Variants in IGFL2 observed in about 807,000 individuals in gnomAD.
IGFL2 encodes the protein IGF like family member 2.
A neutral mutation model predicts 13.9 loss-of-function variants in IGFL2; 7 were observed. That is an observed-to-expected ratio of 0.51 (90% CI 0.29 to 0.95). IGFL2 has a LOEUF of 0.95. Among genes scored for constraint, IGFL2 ranks in the 40% least tolerant of loss-of-function variants. IGFL2 has a pLI of 0.08. For missense variants in IGFL2, 138 were observed against 147.8 expected (o/e 0.93, Z 0.34); for synonymous variants, 55 against 55.8 (o/e 0.99, Z 0.07).
At chr19:46,193,832 T>C in the IGFL2 span, among the ~76,000 whole-genome samples, 4 of 152,218 alleles carry the variant, frequency 2.6e-5, no homozygotes, top group Admixed American at 6.5e-5. Flanking sequence ...TCTAGGCTGC[T>C]ATCAGTTCAG....
upstream of IGFL2, chr19:46,148,169 C>A: frequency 3.2e-6 from 3 of 948,718 alleles, no homozygotes; most frequent in Non-Finnish European, 4.8e-6. Context: ...GAGGCCAGTG[C>A]TTCTGGGCAC....
At chr19:46,186,568 G>A in the IGFL2 span, among the ~76,000 whole-genome samples, 1 of 152,132 alleles carries the variant, frequency 6.6e-6, no homozygotes, top group Middle Eastern at 3.2e-3. Flanking sequence ...GTTTATCAAA[G>A]CCCAGCTGAT....
At position 46,160,440 on chromosome 19, in the gene IGFL2, C is replaced by T. The variant is rs373029871; in HGVS notation, c.45C>T (p.Leu15=). The T allele has an allele frequency of 7.5e-5, 121 of 1,613,788 alleles. No homozygotes were observed. The African/African-American group carries it at 1.4e-3, about 18-fold the overall frequency. The part of the protein sequence containing the change: ...IFAPAYVSVC[L]LLLCPREVIA... ...CTCCTGCTTATGTGTCAGTCTGTCT[C>T]CTCCTCTTGTGTCCAAGGGAAGTCA... The change falls in exon 2 of 4, where the codon CTC becomes CTT. Residue 15 remains leucine, a synonymous_variant. Transcript: ENST00000377693.
chr19:46,173,446 T>C, the IGFL2 span: 3 of 152,224 alleles, frequency 2.0e-5, no homozygotes, highest in Non-Finnish European at 4.4e-5. Flanking sequence ...AAAAGAGATT[T>C]AATTGGCTCA....
At chr19:46,106,616 A>T in the IGFL2 span, among the ~76,000 whole-genome samples, 12 of 152,162 alleles carry the variant, frequency 7.9e-5, no homozygotes, top group African/African-American at 2.9e-4. Context: ...TATGGGGTGG[A>T]TAGGCAAGAC....
At chr19:46,176,661 A>G in the IGFL2 span, among the ~76,000 whole-genome samples, 1 of 152,112 alleles carries the variant, frequency 6.6e-6, no homozygotes, top group Non-Finnish European at 1.5e-5. Context: ...CCAGGGATCT[A>G]CACATGTGGG....
At chr19:46,084,969 C>G in the IGFL2 span, among the ~76,000 whole-genome samples, 2 of 152,144 alleles carry the variant, frequency 1.3e-5, no homozygotes, top group African/African-American at 2.4e-5. Context: ...TCAAAAGTCT[C>G]AAGTCTCATC....
the IGFL2 span, among the ~76,000 whole-genome samples, chr19:46,122,341 A>G: frequency 2.0e-5 from 3 of 151,058 alleles, no homozygotes; most frequent in African/African-American, 7.4e-5. Flanking sequence ...ACAAATACTA[A>G]ATATTATAAT....
chr19:46,115,336 A>AAAAT, the IGFL2 span, among the ~76,000 whole-genome samples: 1 of 152,178 alleles, frequency 6.6e-6, no homozygotes, highest in Non-Finnish European at 1.5e-5. Flanking sequence ...AGGGAAAATG[A>AAAAT]AAATACATTT....
the IGFL2 span, among the ~76,000 whole-genome samples, chr19:46,199,779 A>T: frequency 6.6e-6 from 1 of 152,266 alleles, no homozygotes; most frequent in African/African-American, 2.4e-5. Flanking sequence ...GGTTTGAGAG[A>T]TGAAGCCCGT....
the IGFL2 span, among the ~76,000 whole-genome samples, chr19:46,090,330 G>A: frequency 1.3e-5 from 2 of 152,052 alleles, no homozygotes; most frequent in Non-Finnish European, 2.9e-5. Context: ...ATTTTGAATT[G>A]TTTAGTAAGG....
the IGFL2 span, among the ~76,000 whole-genome samples, chr19:46,129,048 G>A: frequency 1.3e-5 from 2 of 152,076 alleles, no homozygotes; most frequent in African/African-American, 2.4e-5. Context: ...TTCAGGGACC[G>A]AATCTCTTCC....
chr19:46,145,312 C>T (rs1973064463), upstream of IGFL2, among the ~76,000 whole-genome samples: 1 of 151,994 alleles, frequency 6.6e-6, no homozygotes, highest in Non-Finnish European at 1.5e-5. Flanking sequence ...CTCTCTCTCT[C>T]TTTCATATAT....
chr19:46,083,474 A>T, the IGFL2 span, among the ~76,000 whole-genome samples: 11 of 152,362 alleles, frequency 7.2e-5, no homozygotes, highest in Admixed American at 3.3e-4. Context: ...TGTAGAATAT[A>T]GAAAAATTCA....
At chr19:46,121,700 T>C in the IGFL2 span, among the ~76,000 whole-genome samples, 1 of 150,872 alleles carries the variant, frequency 6.6e-6, no homozygotes, top group Non-Finnish European at 1.5e-5. Flanking sequence ...GAAAGGCAGA[T>C]TTTTTAGAAA....
the IGFL2 span, among the ~76,000 whole-genome samples, chr19:46,106,569 G>C: frequency 6.6e-6 from 1 of 152,238 alleles, no homozygotes; most frequent in Non-Finnish European, 1.5e-5. Flanking sequence ...GTTGTGGAGG[G>C]AGGTATTGAG....
chr19:46,089,463 G>A, the IGFL2 span, among the ~76,000 whole-genome samples: 2 of 152,120 alleles, frequency 1.3e-5, no homozygotes, highest in African/African-American at 4.8e-5. Context: ...AGTGAATTTT[G>A]TACTTTCAGA....
the IGFL2 span, chr19:46,206,939 TTCCTGCCTGGTC>T: frequency 2.6e-5 from 4 of 152,168 alleles, no homozygotes; most frequent in African/African-American, 9.7e-5. Flanking sequence ...CTCCATCAGC[TTCCTGCCTGGTC>T]TCATGCTCCC....
the IGFL2 span, among the ~76,000 whole-genome samples, chr19:46,182,391 T>A: frequency 1.4e-5 from 2 of 142,926 alleles, no homozygotes; most frequent in African/African-American, 2.7e-5. Flanking sequence ...AAAAAAAAAA[T>A]TCTGGATGCC....
Sources: gnomAD v4.1 joint callset for allele counts (sites outside exome capture counted in the v4.1 genomes callset) on GRCh38, gnomAD v4.1.1 for gene constraint, MANE v1.5 for transcripts, NCBI Gene and HGNC (gene_info 2026-07-23, HGNC 2026-07-21) for gene names.